The following DDX17 variants were observed in gnomAD, a reference collection of about 807,000 sequenced individuals.
DDX17 encodes probable ATP-dependent RNA helicase DDX17.
DDX17 carries 10 observed loss-of-function variants against 80.8 expected under a neutral mutation model. The ratio of observed to expected loss-of-function variants is 0.12; its 90% CI spans 0.08 to 0.21. DDX17 has a LOEUF of 0.21. DDX17 is among the 10% of genes least tolerant of loss of function. The pLI, the probability that DDX17 is intolerant of heterozygous loss-of-function variation, is 1.00. For synonymous variants in DDX17, 339 were observed against 336.2 expected (o/e 1.01, Z -0.09); for missense variants, 586 against 957.4 (o/e 0.61, Z 5.12).
At chr22:38,502,685 T>G (rs2089842491) in intron 1 of DDX17, among the ~76,000 whole-genome samples, 1 of 152,190 alleles carries the variant, frequency 6.6e-6, no homozygotes, top group Non-Finnish European at 1.5e-5. Flanking sequence ...AAGCTACTTT[T>G]CCTAGAAGAA....
At chr22:38,495,117 G>T in intron 6 of DDX17, 71 bp from the exon 7 acceptor site, 1 of 1,477,554 alleles carries the variant, frequency 6.8e-7, no homozygotes, top group East Asian at 2.4e-5. Flanking sequence ...CTAGCACTTT[G>T]GGAAGAGGAG....
chr22:38,505,591 G>A (rs1692917592), intron 1 of DDX17: 1 of 239,454 alleles, frequency 4.2e-6, no homozygotes, highest in Non-Finnish European at 7.9e-6. Context: ...ACATCGAACA[G>A]CCCGCCCGAA....
Position 38,494,867 on chromosome 22 carries a change from T to C in DDX17, c.1041+19A>G, listed in dbSNP as rs935325098. 3.1e-6 allele frequency: 5 copies of C among 1,613,862 alleles called. No homozygotes were observed. In the South Asian group the frequency reaches 5.5e-5, roughly 18 times the overall value. ...TTGGACAAATGGCATAAAGACTGCTTATTATTAGCTTTACACACCCTGATT... is the reference window on the plus strand; with the variant it reads ...TTGGACAAATGGCATAAAGACTGCTCATTATTAGCTTTACACACCCTGATT... On this transcript the variant is annotated intron_variant, in intron 7 of 12. Transcript: ENST00000403230.
Position 38,494,130 on chromosome 22 carries a change from A to G in DDX17, c.1216T>C (p.Leu406=), listed in dbSNP as rs2089738346. The G allele has an allele frequency of 6.2e-7, 1 of 1,601,978 alleles. No individual in the cohort carries two copies. Among genetic ancestry groups the G allele is most frequent in the Non-Finnish European group, 8.6e-7 (1 of 1,169,388 alleles). Residue 406 remains leucine (L), a splice_region_variant and synonymous_variant, in exon 9 of 13, where the codon TTG becomes CTG. Transcript: ENST00000403230. The stretch of plus-strand genomic sequence containing the variant: ...ATTATTTCTTCCATTAGTTGGATCA[A>G]CCTGAAAACATGACCAACAATGCAG...
At chr22:38,499,869 GAA>G (rs2089809643) in intron 2 of DDX17, among the ~76,000 whole-genome samples, 1 of 152,092 alleles carries the variant, frequency 6.6e-6, no homozygotes, top group Non-Finnish European at 1.5e-5. Flanking sequence ...TGAGGTACAA[GAA>G]GAGACAATGT....
intron 8 of DDX17, 131 bp downstream of exon 8, chr22:38,494,499 T>G: frequency 2.5e-6 from 2 of 801,744 alleles, no homozygotes; most frequent in Non-Finnish European, 1.9e-6. Context: ...GATGATGGAT[T>G]ATCAGAAACC....
chr22:38,489,925 G>A lies in DDX17; in HGVS notation c.1448-1810C>T. 1.0e-6 allele frequency: 1 copy of A among 996,100 alleles called. No homozygotes were observed. The highest frequency in any genetic ancestry group is 1.1e-4 in the East Asian group (1 of 9,362). 61.7% of individuals were successfully genotyped at this position (996,100 alleles called of 1,614,324 possible). On this transcript the variant is annotated intron_variant, in intron 11 of 12. Transcript: ENST00000403230. The surrounding 1 kb of genome is among the most constrained non-coding windows in gnomAD (Gnocchi z 4.6). Reference sequence around the variant, plus strand: ...ATGCAATCCCACTGCATATGACCATGGCAGTAGAACAAGTTCAATTACTAC... The same window carrying A: ...ATGCAATCCCACTGCATATGACCATAGCAGTAGAACAAGTTCAATTACTAC...
chr22:38,494,496 G>T, intron 8 of DDX17, 134 bp downstream of exon 8: 1 of 783,264 alleles, frequency 1.3e-6, no homozygotes, highest in Non-Finnish European at 2.0e-6. Flanking sequence ...TATGATGATG[G>T]ATTATCAGAA....
At chr22:38,499,531 CTAG>C in intron 2 of DDX17, 32 bp from the exon 3 acceptor site, 2 of 1,498,148 alleles carry the variant, frequency 1.3e-6, no homozygotes, top group Non-Finnish European at 1.9e-6. Flanking sequence ...AGTTAGTAAA[CTAG>C]TTATTCTAAA....
chr22:38,499,408 T>C lies in DDX17; in HGVS notation c.530A>G (p.Asn177Ser), dbSNP rs2089803857. The change falls in exon 3 of 13, where the codon AAC becomes AGC. Residue 177 changes from asparagine to serine, a missense_variant. Asn to Ser is a conservative substitution (Grantham distance 46). Coordinates refer to ENST00000403230, the MANE Select transcript of DDX17 (RefSeq NM_006386.5). ...GATTGAAGAACACTTACGTGGGAAG[T>C]TAGCATGATGGAAGGCAAACACGGG... 4 of 1,613,346 alleles carry C rather than the reference T, an allele frequency of 2.5e-6. No homozygotes were observed. The South Asian group carries it at 3.3e-5, about 13-fold the overall frequency.
Position 38,486,008 on chromosome 22 carries a change from ATATTGG to A in DDX17, c.2111_2116del (p.Thr704_Asn705del). 1 of 1,614,038 alleles carries A rather than the reference ATATTGG, an allele frequency of 6.2e-7. No individual in the cohort carries two copies. Among genetic ancestry groups the A allele is most frequent in the South Asian group, 1.1e-5 (1 of 91,076 alleles). ...GGCAGTCTGCCCCATGTAACCTATC[ATATTGG>A]TAGCTCCCGGAGGCTGTGCAAACTG... is the stretch of plus-strand genomic sequence containing the variant. On this transcript the variant is annotated inframe_deletion, in exon 13 of 13. Coordinates refer to ENST00000403230, the MANE Select transcript of DDX17 (RefSeq NM_006386.5).
At chr22:38,496,003 G>C in intron 5 of DDX17, 66 bp from the exon 6 acceptor site, 1 of 1,072,008 alleles carries the variant, frequency 9.3e-7, no homozygotes, top group Non-Finnish European at 1.3e-6. Flanking sequence ...AAAAAAAGAA[G>C]AAACAAAATA....
chr22:38,500,987 A>T (rs1040858055), intron 2 of DDX17, 143 bp downstream of exon 2: 4 of 1,188,216 alleles, frequency 3.4e-6, no homozygotes, highest in East Asian at 5.9e-5. Flanking sequence ...AAAAAAAAAA[A>T]AATTAACCAA....
At chr22:38,490,527 G>A (rs1333561417) in intron 11 of DDX17, 2 of 1,104,018 alleles carry the variant, frequency 1.8e-6, no homozygotes, top group Non-Finnish European at 2.4e-6. Context: ...AAATATCCCA[G>A]TGGAAAGGGA....
intron 6 of DDX17, among the ~76,000 whole-genome samples, 155 bp downstream of exon 6, chr22:38,495,639 TTC>T (rs1490084277): frequency 2.0e-5 from 3 of 152,204 alleles, no homozygotes; most frequent in African/African-American, 4.8e-5. Context: ...ATGCTGAACC[TTC>T]TCTCTCAAAA....
Position 38,494,005 on chromosome 22 carries a change from T to C in DDX17, c.1325+16A>G, listed in dbSNP as rs774991869. On this transcript the variant is annotated intron_variant, in intron 9 of 12. Coordinates refer to ENST00000403230, the MANE Select transcript of DDX17 (RefSeq NM_006386.5). ...ACTATAAAACCAGAGGTTAATTGCCTTGGTGCTATACTCACCCATCTCTGC... is the reference window on the plus strand; with the variant it reads ...ACTATAAAACCAGAGGTTAATTGCCCTGGTGCTATACTCACCCATCTCTGC... 1 of 1,581,706 alleles carries C rather than the reference T, an allele frequency of 6.3e-7. No homozygotes were observed. Among genetic ancestry groups the C allele is most frequent in the Non-Finnish European group, 8.6e-7 (1 of 1,159,482 alleles).
rs553447776 is a variant in DDX17 at position 38,503,857 on chromosome 22, TG to T, written c.287+2093del. ...CCACTTCAACTGTGTAACACTCAGT[TG>T]AAACAACAGCAATTCAAATAATCAA... is the stretch of plus-strand genomic sequence containing the variant. On this transcript the variant is annotated intron_variant, in intron 1 of 12. Transcript: ENST00000403230. Among the ~76,000 whole-genome samples, 178 of 152,356 alleles carry T rather than the reference TG, an allele frequency of 1.2e-3. No homozygotes were observed. In the Middle Eastern group the frequency reaches 0.014, roughly 12 times the overall value.
intron 5 of DDX17, among the ~76,000 whole-genome samples, chr22:38,496,289 C>A (rs926134581): frequency 1.3e-5 from 2 of 152,120 alleles, no homozygotes; most frequent in African/African-American, 2.4e-5. Flanking sequence ...CCTAAACCCC[C>A]AAAACCAAAA....
intron 1 of DDX17, 145 bp from the exon 2 acceptor site, chr22:38,501,425 G>C: frequency 9.6e-7 from 1 of 1,041,260 alleles, no homozygotes; most frequent in Non-Finnish European, 1.3e-6. Context: ...TGATTTAAAG[G>C]TATGGAGAAA....
Sources: allele counts gnomAD v4.1 joint callset (sites outside exome capture counted in the v4.1 genomes callset), GRCh38; gene constraint gnomAD v4.1.1; non-coding constraint Gnocchi (gnomAD v3.1); transcripts MANE v1.5; gene names NCBI Gene and HGNC (gene_info 2026-07-23, HGNC 2026-07-21).